The following CERCAM variants were observed in gnomAD, a reference collection of about 807,000 sequenced individuals.
CERCAM encodes cerebral endothelial cell adhesion molecule, also known as inactive glycosyltransferase 25 family member 3.
A neutral mutation model predicts 66.0 loss-of-function variants in CERCAM; 59 were observed. That is an observed-to-expected ratio of 0.89 (90% CI 0.73 to 1.11). The LOEUF is 1.11. CERCAM is among the 50% of genes most tolerant of loss of function. The pLI, the probability that CERCAM is intolerant of heterozygous loss-of-function variation, is 0.00. For missense variants in CERCAM, 840 were observed against 828.3 expected, an observed-to-expected ratio of 1.01 and a Z score of -0.17; for synonymous variants, 318 against 343.6, an observed-to-expected ratio of 0.93 and a Z score of 0.83.
intron 5 of CERCAM, among the ~76,000 whole-genome samples, chr9:128,426,619 TA>T (rs111611260): frequency 0.34 from 48,794 of 143,484 alleles, 11,047 homozygotes; most frequent in African/African-American, 0.66. Context: ...GACTCTGTCT[TA>T]AAAAAAAAAA....
chr9:128,424,399 CT>C lies in CERCAM; in HGVS notation c.562-7del, dbSNP rs1564425774. ...AGCCCTCTCACAGCCCAAAGCATCC[CT>C]TTTCCCCAGGGCTACTACCGCCGCA... On this transcript the variant is annotated splice_polypyrimidine_tract_variant and intron_variant, in intron 4 of 12. Transcript: ENST00000372838. 1 of 1,613,970 alleles carries C rather than the reference CT, an allele frequency of 6.2e-7. No homozygotes were observed. The highest frequency in any genetic ancestry group is 8.5e-7 in the Non-Finnish European group (1 of 1,180,014).
chr9:128,421,803 C>T (rs1401410823), intron 1 of CERCAM: 1 of 150,772 alleles, frequency 6.6e-6, no homozygotes, highest in African/African-American at 2.4e-5. Flanking sequence ...CTCTTCAACA[C>T]ACCACAGTTG....
chr9:128,431,062 C>T, intron 8 of CERCAM, 109 bp from the exon 9 acceptor site: 2 of 1,351,030 alleles, frequency 1.5e-6, no homozygotes, highest in East Asian at 2.3e-5. Context: ...AGGCAGAAAC[C>T]TTCTTCAAAC....
Position 128,424,592 on chromosome 9 carries a change from C to CGATGAT in CERCAM, c.745_746insATGATG (p.Phe248_Ala249insAspAsp), listed in dbSNP as rs778682351. ...GGCCTTTCGACGACATCATCGTCTTCGCCTATGCCTGCCAGGCTGCTGGTG... is the reference window on the plus strand; with the variant it reads ...GGCCTTTCGACGACATCATCGTCTTCGATGATGCCTATGCCTGCCAGGCTGCTGGTG... On this transcript the variant is annotated inframe_insertion, in exon 5 of 13. Coordinates refer to ENST00000372838, the MANE Select transcript of CERCAM (RefSeq NM_016174.5). 3 of 1,614,156 alleles carry CGATGAT rather than the reference C, an allele frequency of 1.9e-6. No individual in the cohort carries two copies. In the Admixed American group the frequency reaches 5.0e-5, roughly 27 times the overall value.
At chr9:128,422,012 G>C (rs1833721134) in intron 1 of CERCAM, 1 of 152,314 alleles carries the variant, frequency 6.6e-6, no homozygotes, top group African/African-American at 2.4e-5. Flanking sequence ...CCCAGGAGAG[G>C]GGAGGCTGTG....
At chr9:128,424,691 C>T (rs1833798939) in intron 5 of CERCAM, 77 bp downstream of exon 5, 11 of 1,302,144 alleles carry the variant, frequency 8.4e-6, no homozygotes. Flanking sequence ...GCTTACCATG[C>T]CCTTCCCTAC....
At chr9:128,426,263 G>A (rs1286206902) in intron 5 of CERCAM, among the ~76,000 whole-genome samples, 1 of 151,956 alleles carries the variant, frequency 6.6e-6, no homozygotes. Context: ...TCCACCTTGG[G>A]CAACACAAGA....
Position 128,420,921 on chromosome 9 carries a change from T to C in CERCAM, c.44T>C (p.Leu15Pro), listed in dbSNP as rs745802249. 2 of 1,424,600 alleles carry C rather than the reference T, an allele frequency of 1.4e-6. No individual in the cohort carries two copies. Among genetic ancestry groups the C allele is most frequent in the South Asian group, 2.9e-5 (2 of 70,016 alleles). 88.2% of individuals were successfully genotyped at this position (1,424,600 alleles called of 1,614,324 possible). ...GCGCCGCTGCTCCAGCTGCTGCTCC[T>C]GCTGGGGCCGTGGCTGGAGGCTGCG... is the stretch of plus-strand genomic sequence containing the variant. ...RAAPLLQLLL[L>P]LGPWLEAAGV... Residue 15 changes from leucine (L) to proline (P), a missense_variant, in exon 1 of 13, where the codon CTG (leucine) becomes CCG (proline). By Grantham distance (98) the Leu-to-Pro change is moderately conservative. Coordinates refer to ENST00000372838, the MANE Select transcript of CERCAM (RefSeq NM_016174.5). This position sits in a 1 kb window ranked among gnomAD's most constrained non-coding sequence, Gnocchi z 5.0.
At position 128,434,481 on chromosome 9, in the gene CERCAM, C is replaced by T. The variant is rs1834059845; in HGVS notation, c.1403C>T (p.Ala468Val). The change falls in exon 11 of 13, where the codon GCT becomes GTT. Residue 468 changes from alanine to valine, a missense_variant. Physicochemically the swap from Ala to Val is moderately conservative, Grantham distance 64. Transcript: ENST00000372838. This position sits in a 1 kb window ranked among gnomAD's most constrained non-coding sequence, Gnocchi z 4.5. ...GAGGGGCTGCCGGGCCTGGTGGTGG[C>T]TGGGTACTCCTACTGGACGCTGGCC... Reference protein sequence around the residue: ...AVEGLPGLVVAGYSYWTLAYA... With the variant: ...AVEGLPGLVVVGYSYWTLAYA... 1 of 1,613,914 alleles carries T rather than the reference C, an allele frequency of 6.2e-7. No homozygotes were observed. Among genetic ancestry groups the T allele is most frequent in the Non-Finnish European group, 8.5e-7 (1 of 1,179,998 alleles).
intron 3 of CERCAM, 27 bp from the exon 4 acceptor site, chr9:128,424,111 G>A: frequency 6.2e-7 from 1 of 1,609,444 alleles, no homozygotes; most frequent in Admixed American, 1.7e-5. Flanking sequence ...AGGCAGGGCT[G>A]GAGCCTGTGA....
At chr9:128,431,341 G>A (rs775114191) in intron 9 of CERCAM, 38 bp downstream of exon 9, 10 of 1,611,922 alleles carry the variant, frequency 6.2e-6, no homozygotes, top group Non-Finnish European at 8.5e-6. Flanking sequence ...AGCCTTCGGG[G>A]AGAACGGGGC....
In CERCAM at chr9:128,434,213, C is replaced by A. The variant is rs747630906; in HGVS notation, c.1315C>A (p.Leu439Met). The change falls in exon 10 of 13, where the codon CTG becomes ATG. Residue 439 changes from leucine (L) to methionine (M), a missense_variant. Transcript: ENST00000372838. The surrounding 1 kb of genome is among the most constrained non-coding windows in gnomAD (Gnocchi z 4.5). The part of the protein sequence containing the change: ...RLMEDVEAEK[L>M]SWDLIYLGRK... ...GATGGAGGATGTGGAGGCAGAGAAACTGTCTTGGGACCTGATGTAGGCAGC... is the reference window on the plus strand; with the variant it reads ...GATGGAGGATGTGGAGGCAGAGAAAATGTCTTGGGACCTGATGTAGGCAGC... The A allele has an allele frequency of 1.2e-6, 2 of 1,614,132 alleles. No homozygotes were observed. Among genetic ancestry groups the A allele is most frequent in the Admixed American group, 1.7e-5 (1 of 60,018 alleles).
In CERCAM at chr9:128,435,639, C is replaced by G. The variant is rs765122545; in HGVS notation, c.1536-14C>G. 2.5e-6 allele frequency: 4 copies of G among 1,588,168 alleles called. No individual in the cohort carries two copies. Among genetic ancestry groups the G allele is most frequent in the Non-Finnish European group, 3.4e-6 (4 of 1,163,658 alleles). ...CCCGCCTCAATCCCCCTGAGCTATC[C>G]TCTCACCTTACAGCGAGCAGTACAA... On this transcript the variant is annotated splice_polypyrimidine_tract_variant and intron_variant, in intron 11 of 12. Transcript: ENST00000372838.
Position 128,421,519 on chromosome 9 carries a change from G to T in CERCAM, c.197+445G>T, listed in dbSNP as rs544305910. 68 of 988,182 alleles carry T rather than the reference G, an allele frequency of 6.9e-5. 1 individual carries two copies. In the South Asian group the frequency reaches 1.6e-3, roughly 24 times the overall value. The allele number at this position is 988,182 out of a possible 1,614,324, so 61.2% of individuals were successfully genotyped here. Reference sequence around the variant, plus strand: ...GGAGGCTTCCGGGCACAGGTTGGGGGTGCCATCAGCACTGGGCTCCGGGCT... The same window carrying T: ...GGAGGCTTCCGGGCACAGGTTGGGGTTGCCATCAGCACTGGGCTCCGGGCT... On this transcript the variant is annotated intron_variant, in intron 1 of 12. Coordinates refer to ENST00000372838, the MANE Select transcript of CERCAM (RefSeq NM_016174.5).
Position 128,430,114 on chromosome 9 carries a change from T to A in CERCAM, c.1071-1057T>A, listed in dbSNP as rs574399142. ...ACCATGTCCACCTAATGAAAAAAAA[T>A]TTTTGACTGGGCACGGTGGCTCATG... is the stretch of plus-strand genomic sequence containing the variant. On this transcript the variant is annotated intron_variant, in intron 8 of 12. Coordinates refer to ENST00000372838, the MANE Select transcript of CERCAM (RefSeq NM_016174.5). Among the ~76,000 whole-genome samples, 346 of 151,758 alleles carry A rather than the reference T, an allele frequency of 2.3e-3. 1 individual carries two copies. Among genetic ancestry groups the A allele is most frequent in the African/African-American group, 6.9e-3 (284 of 41,380 alleles).
chr9:128,431,947 G>C (rs992549557), intron 9 of CERCAM: 3 of 152,520 alleles, frequency 2.0e-5, no homozygotes, highest in African/African-American at 7.2e-5. Context: ...CCTTCCAGGA[G>C]ATGGGACATG....
chr9:128,425,515 CT>C (rs1227487963), intron 5 of CERCAM, among the ~76,000 whole-genome samples: 185 of 142,196 alleles, frequency 1.3e-3, no homozygotes, highest in East Asian at 1.6e-3. Context: ...CTTTTCTGCC[CT>C]TTTTTTTTTT....
At chr9:128,436,057 T>C (rs1404844427) in intron 12 of CERCAM, 152 bp downstream of exon 12, 1 of 1,021,786 alleles carries the variant, frequency 9.8e-7, no homozygotes, top group Non-Finnish European at 1.4e-6. Context: ...TTGTTGTTGT[T>C]GTTTGTTTGT....
chr9:128,434,332 C>T lies in CERCAM; in HGVS notation c.1332-78C>T, dbSNP rs545248656. The stretch of plus-strand genomic sequence containing the variant: ...CCGGCCCATCCCCTGAGAGCCTGGC[C>T]CTGTAGGAGCGGGTGTGGGAGGGTC... On this transcript the variant is annotated intron_variant, in intron 10 of 12. Transcript: ENST00000372838. The surrounding 1 kb of genome is among the most constrained non-coding windows in gnomAD (Gnocchi z 4.5). 8.1e-5 allele frequency: 130 copies of T among 1,603,198 alleles called. 2 individuals carry two copies. In the South Asian group the frequency reaches 1.4e-3, roughly 18 times the overall value.
Sources: allele counts gnomAD v4.1 joint callset (sites outside exome capture counted in the v4.1 genomes callset), GRCh38; gene constraint gnomAD v4.1.1; non-coding constraint Gnocchi (gnomAD v3.1); transcripts MANE v1.5; gene names NCBI Gene and HGNC (gene_info 2026-07-23, HGNC 2026-07-21).